Variants in CNTNAP2 observed in about 807,000 individuals in gnomAD.
CNTNAP2 encodes contactin associated protein 2.
In CNTNAP2, 98 loss-of-function variants were observed where a neutral mutation model predicts 155.2. That is an observed-to-expected ratio of 0.63 (90% CI 0.54 to 0.75). The LOEUF (loss-of-function observed/expected upper bound fraction) is 0.75, where lower values mean the gene tolerates loss of function less well. Ranked by LOEUF, CNTNAP2 falls within the 30% of genes least tolerant of loss-of-function variation. The pLI is 0.00. For missense variants in CNTNAP2, 1,727 were observed against 1,688.1 expected, an observed-to-expected ratio of 1.02 and a Z score of -0.40; for synonymous variants, 651 against 631.2, an observed-to-expected ratio of 1.03 and a Z score of -0.47.
intron 1 of CNTNAP2, among the ~76,000 whole-genome samples, chr7:146,736,030 CAATTATTATAGGTCA>C (rs1801614011): frequency 6.6e-6 from 1 of 151,902 alleles, no homozygotes; most frequent in South Asian, 2.1e-4. Flanking sequence ...TAAATGTGTA[CAATTATTATAGGTCA>C]ATTACAAGCC....
chr7:146,247,710 G>C (rs962901722), intron 1 of CNTNAP2, among the ~76,000 whole-genome samples: 1 of 152,126 alleles, frequency 6.6e-6, no homozygotes, highest in African/African-American at 2.4e-5. Flanking sequence ...GTTTGTATTG[G>C]GGTCAAGTGG....
At chr7:147,262,498 G>T (rs1321436438) in intron 8 of CNTNAP2, among the ~76,000 whole-genome samples, 2 of 152,054 alleles carry the variant, frequency 1.3e-5, no homozygotes, top group African/African-American at 4.8e-5. Flanking sequence ...CAGAGGGAGG[G>T]GTATGAAAGG....
chr7:146,238,126 T>A (rs919132175), intron 1 of CNTNAP2, among the ~76,000 whole-genome samples: 9 of 152,150 alleles, frequency 5.9e-5, no homozygotes, highest in African/African-American at 1.2e-4. Flanking sequence ...GATCCTAGAG[T>A]GTATTACAAA....
intron 1 of CNTNAP2, among the ~76,000 whole-genome samples, chr7:146,289,781 A>G (rs76737038): frequency 0.037 from 5,578 of 152,286 alleles, 158 homozygotes; most frequent in Non-Finnish European, 0.057. Context: ...CTCATTTTAT[A>G]TTCCAGAGCA....
At chr7:147,133,149 C>T (rs1801409992) in intron 8 of CNTNAP2, among the ~76,000 whole-genome samples, 1 of 152,050 alleles carries the variant, frequency 6.6e-6, no homozygotes, top group Non-Finnish European at 1.5e-5. Flanking sequence ...TTTGAATAGA[C>T]TTCGCAACCT....
intron 3 of CNTNAP2, among the ~76,000 whole-genome samples, chr7:146,873,302 C>A (rs1176807672): frequency 6.6e-6 from 1 of 152,152 alleles, no homozygotes; most frequent in Non-Finnish European, 1.5e-5. Flanking sequence ...AGAGGAGGAG[C>A]TAACATGAGT....
intron 13 of CNTNAP2, among the ~76,000 whole-genome samples, chr7:147,791,017 T>C (rs1335354681): frequency 6.6e-6 from 1 of 152,262 alleles, no homozygotes; most frequent in Non-Finnish European, 1.5e-5. Flanking sequence ...TTCAGTTCTC[T>C]CTTGTAAAGT....
At chr7:146,334,143 G>C (rs1323487373) in intron 1 of CNTNAP2, among the ~76,000 whole-genome samples, 3 of 151,998 alleles carry the variant, frequency 2.0e-5, no homozygotes, top group African/African-American at 2.4e-5. Context: ...CTTAATTAAA[G>C]CGCCCTGGCC....
chr7:146,317,289 A>G (rs548222159), intron 1 of CNTNAP2, among the ~76,000 whole-genome samples: 4 of 152,340 alleles, frequency 2.6e-5, no homozygotes, highest in Middle Eastern at 3.4e-3. Flanking sequence ...AAGCTCTAAT[A>G]TAAGTTCCAA....
intron 9 of CNTNAP2, among the ~76,000 whole-genome samples, chr7:147,331,840 C>G (rs1176575292): frequency 1.3e-5 from 2 of 152,206 alleles, no homozygotes; most frequent in African/African-American, 4.8e-5. Flanking sequence ...AACCAATGAT[C>G]AGTTCTCAAG....
At chr7:148,104,015 G>A (rs966697753) in intron 15 of CNTNAP2, among the ~76,000 whole-genome samples, 10 of 152,142 alleles carry the variant, frequency 6.6e-5, no homozygotes, top group African/African-American at 2.4e-4. Context: ...TGATGTTATT[G>A]CTTTAAATCA....
chr7:146,568,991 T>C (rs1311817258), intron 1 of CNTNAP2, among the ~76,000 whole-genome samples: 1 of 151,646 alleles, frequency 6.6e-6, no homozygotes, highest in Non-Finnish European at 1.5e-5. Context: ...TTACTTCTTT[T>C]TATTTTTTTT....
intron 16 of CNTNAP2, among the ~76,000 whole-genome samples, chr7:148,129,006 A>G (rs1278198085): frequency 2.0e-5 from 3 of 152,108 alleles, no homozygotes; most frequent in Admixed American, 1.3e-4. Context: ...TGAAGATACA[A>G]CTGCCTTCTT....
At chr7:147,444,528 T>TTC (rs987778491) in intron 10 of CNTNAP2, among the ~76,000 whole-genome samples, 9 of 149,774 alleles carry the variant, frequency 6.0e-5, no homozygotes, top group African/African-American at 2.2e-4. Flanking sequence ...AAATTTTCTT[T>TTC]TTTTTTTTTT....
chr7:147,013,082 A>G (rs973312631), intron 3 of CNTNAP2, among the ~76,000 whole-genome samples: 4 of 152,156 alleles, frequency 2.6e-5, no homozygotes, highest in African/African-American at 9.6e-5. Context: ...AAATAATTCA[A>G]TGTGTTTTCT....
At chr7:147,891,314 C>A (rs972398751) in intron 13 of CNTNAP2, among the ~76,000 whole-genome samples, 1 of 152,018 alleles carries the variant, frequency 6.6e-6, no homozygotes, top group Non-Finnish European at 1.5e-5. Context: ...AAGCGATTCT[C>A]CTTCCGCGGC....
Position 147,637,435 on chromosome 7 carries a change from A to G in CNTNAP2, c.1898-1671A>G, listed in dbSNP as rs569640113. ...GTGACTCCTGGGTTTTGTCTTGAGC[A>G]CCTGAAAGAATGGAGTTGCCATGTA... On this transcript the variant is annotated intron_variant, in intron 12 of 23. Coordinates refer to ENST00000361727, the MANE Select transcript of CNTNAP2 (RefSeq NM_014141.6). Among the ~76,000 whole-genome samples, 275 of 152,268 alleles carry G rather than the reference A, an allele frequency of 1.8e-3. 2 individuals are homozygous for G. The highest frequency in any genetic ancestry group is 3.3e-3 in the Non-Finnish European group (222 of 68,016).
intron 3 of CNTNAP2, among the ~76,000 whole-genome samples, chr7:147,040,839 C>T (rs571303699): frequency 2.6e-5 from 4 of 152,222 alleles, no homozygotes; most frequent in Admixed American, 1.3e-4. Context: ...GCTGAGCAGT[C>T]GAGCAATAAA....
At chr7:147,771,639 A>T (rs569754958) in intron 13 of CNTNAP2, among the ~76,000 whole-genome samples, 1 of 152,086 alleles carries the variant, frequency 6.6e-6, no homozygotes, top group Non-Finnish European at 1.5e-5. Context: ...ATAGGGTTTC[A>T]TTTCTCCTTT....
Sources: gnomAD v4.1 joint callset for allele counts (sites outside exome capture counted in the v4.1 genomes callset) on GRCh38, gnomAD v4.1.1 for gene constraint, MANE v1.5 for transcripts, NCBI Gene and HGNC (gene_info 2026-07-23, HGNC 2026-07-21) for gene names.